Variants in GALNT8 observed in about 807,000 individuals in gnomAD.
GALNT8 encodes the protein probable polypeptide N-acetylgalactosaminyltransferase 8.
GALNT8 carries 66 observed loss-of-function variants against 62.7 expected under a neutral mutation model. That is an observed-to-expected ratio of 1.05 (90% confidence interval 0.86 to 1.29). GALNT8 has a LOEUF of 1.29. GALNT8 is among the 50% of genes most tolerant of loss of function. GALNT8 has a pLI of 0.00. For missense variants in GALNT8, 771 were observed against 791.8 expected (o/e 0.97, Z 0.32); for synonymous variants, 288 against 294.3 (o/e 0.98, Z 0.22).
chr12:4,724,896 C>T lies in GALNT8; in HGVS notation c.212-1636C>T, dbSNP rs75958892. Among the ~76,000 whole-genome samples the T allele has an allele frequency of 5.2e-3, 792 of 152,328 alleles. 20 individuals are homozygous for T. Among genetic ancestry groups the T allele is most frequent in the Admixed American group, 0.043 (662 of 15,304 alleles). On this transcript the variant is annotated intron_variant, in intron 1 of 10. Transcript: ENST00000252318. ...ATATGGATCTGAAATCCAGCACACA[C>T]GTTCTGCTTGCCAAGCCATGTGCTG... is the stretch of plus-strand genomic sequence containing the variant.
rs146594019 is a variant in GALNT8 at position 4,724,771 on chromosome 12, T to C, written c.212-1761T>C. 7.3e-3 allele frequency among the ~76,000 whole-genome samples: 1,110 copies of C among 152,346 alleles called. 20 individuals are homozygous for C. The highest frequency in any genetic ancestry group is 0.026 in the African/African-American group (1,073 of 41,574). On this transcript the variant is annotated intron_variant, in intron 1 of 10. Coordinates refer to ENST00000252318, the MANE Select transcript of GALNT8 (RefSeq NM_017417.2). ...TCTTAACCACTTGAAGAGGTGATTCTCTTTCTCCTTTTCCTTCTTTTTGGG... is the reference window on the plus strand; with the variant it reads ...TCTTAACCACTTGAAGAGGTGATTCCCTTTCTCCTTTTCCTTCTTTTTGGG...
intron 2 of GALNT8, among the ~76,000 whole-genome samples, chr12:4,737,118 G>A (rs1452230727): frequency 7.2e-5 from 11 of 152,154 alleles, no homozygotes; most frequent in African/African-American, 2.7e-4. Context: ...GGCTTTTAAG[G>A]AGCTTAGAAG....
intron 10 of GALNT8, 55 bp from the exon 11 acceptor site, chr12:4,772,390 A>C: frequency 6.6e-7 from 1 of 1,504,372 alleles, no homozygotes; most frequent in Non-Finnish European, 9.2e-7. Flanking sequence ...GCTAGAAGAG[A>C]TGATGAATTA....
intron 2 of GALNT8, among the ~76,000 whole-genome samples, chr12:4,733,972 G>A (rs1032029105): frequency 6.6e-6 from 1 of 152,168 alleles, no homozygotes; most frequent in Non-Finnish European, 1.5e-5. Context: ...ATTGCTCCTA[G>A]CTCAGTGAAT....
rs1055143489 is a variant in GALNT8 at position 4,749,820 on chromosome 12, A to G, written c.1173+3562A>G. Among the ~76,000 whole-genome samples the G allele has an allele frequency of 6.6e-6, 1 of 152,122 alleles. No individual in the cohort carries two copies. Among genetic ancestry groups the G allele is most frequent in the South Asian group, 2.1e-4 (1 of 4,822 alleles). On this transcript the variant is annotated intron_variant, in intron 6 of 10. Transcript: ENST00000252318. The surrounding 1 kb of genome is among the most constrained non-coding windows in gnomAD (Gnocchi z 4.1). The stretch of plus-strand genomic sequence containing the variant: ...GTTTTCCTTTACTGGGAGACTTTTT[A>G]TTACAGCTTTGATCTCATTACTTGT...
chr12:4,769,287 G>A (rs2137546937), intron 10 of GALNT8, among the ~76,000 whole-genome samples: 1 of 152,302 alleles, frequency 6.6e-6, no homozygotes, highest in Admixed American at 6.5e-5. Flanking sequence ...CACCACTGGT[G>A]AGCATGGAGA....
chr12:4,764,320 A>AC, intron 9 of GALNT8, among the ~76,000 whole-genome samples: 1 of 152,162 alleles, frequency 6.6e-6, no homozygotes, highest in South Asian at 2.1e-4. Context: ...ATTTGCATTG[A>AC]CAATCACCTC....
At chr12:4,728,733 A>G (rs1178555828) in intron 2 of GALNT8, among the ~76,000 whole-genome samples, 1 of 152,174 alleles carries the variant, frequency 6.6e-6, no homozygotes, top group Non-Finnish European at 1.5e-5. Context: ...TCCTTATGCC[A>G]GGAACACATT....
At chr12:4,730,188 T>C (rs1946215438) in intron 2 of GALNT8, among the ~76,000 whole-genome samples, 1 of 152,196 alleles carries the variant, frequency 6.6e-6, no homozygotes, top group African/African-American at 2.4e-5. Context: ...TTGATTTTTT[T>C]CCTTGCTGTG....
At chr12:4,746,387 C>G in intron 6 of GALNT8, 129 bp downstream of exon 6, 2 of 653,664 alleles carry the variant, frequency 3.1e-6, no homozygotes, top group Non-Finnish European at 5.6e-6. Context: ...TCTTATGTTT[C>G]TAGGCAACTG....
rs1198719523 is a variant in GALNT8, at chr12:4,760,939, T to A, written c.1174-19T>A. 16 of 1,609,968 alleles carry A rather than the reference T, an allele frequency of 9.9e-6. No individual in the cohort carries two copies. The highest frequency in any genetic ancestry group is 1.2e-5 in the Non-Finnish European group (14 of 1,177,290). ...CATTGGCTGTGAAGCACGGGTGATTTTTTGGTCTTCTTCTGCAGGTGTGGC... is the reference window on the plus strand; with the variant it reads ...CATTGGCTGTGAAGCACGGGTGATTATTTGGTCTTCTTCTGCAGGTGTGGC... On this transcript the variant is annotated intron_variant, in intron 6 of 10. Coordinates refer to ENST00000252318, the MANE Select transcript of GALNT8 (RefSeq NM_017417.2).
In GALNT8 at chr12:4,763,963, A is replaced by G; in HGVS notation, c.1509A>G (p.Leu503=). The G allele has an allele frequency of 2.6e-6, 4 of 1,564,676 alleles. No homozygotes were observed. Among genetic ancestry groups the G allele is most frequent in the South Asian group, 1.1e-5 (1 of 90,322 alleles). Residue 503 remains leucine (L), a synonymous_variant, in exon 9 of 11, where the codon CTA becomes CTG. Coordinates refer to ENST00000252318, the MANE Select transcript of GALNT8 (RefSeq NM_017417.2). The part of the protein sequence containing the change: ...TIVGYGRMKN[L]LDENVCLDQG... ...TTTGTCCCCTTCAGATGAAAAACCTATTGGATGAAAATGTCTGCTTGGATC... is the reference window on the plus strand; with the variant it reads ...TTTGTCCCCTTCAGATGAAAAACCTGTTGGATGAAAATGTCTGCTTGGATC...
intron 2 of GALNT8, among the ~76,000 whole-genome samples, chr12:4,731,130 C>T (rs1196655551): frequency 6.6e-6 from 1 of 151,950 alleles, no homozygotes; most frequent in Non-Finnish European, 1.5e-5. Flanking sequence ...GCCACCGCCC[C>T]CGGCCTGAGA....
chr12:4,721,000 A>C, intron 1 of GALNT8, 112 bp downstream of exon 1: 1 of 682,830 alleles, frequency 1.5e-6, no homozygotes, highest in Non-Finnish European at 2.7e-6. Flanking sequence ...TTTTCATCTC[A>C]GTCGCTCATT....
At chr12:4,756,756 G>A (rs995250280) in intron 6 of GALNT8, among the ~76,000 whole-genome samples, 5 of 152,162 alleles carry the variant, frequency 3.3e-5, no homozygotes, top group African/African-American at 1.2e-4. Flanking sequence ...ACCCACTCAG[G>A]ACTCCACATT....
chr12:4,736,625 C>G (rs1008986449), intron 2 of GALNT8, among the ~76,000 whole-genome samples: 40 of 151,282 alleles, frequency 2.6e-4, no homozygotes, highest in African/African-American at 9.2e-4. Flanking sequence ...AGATCATGAG[C>G]ATTAAAGGCT....
At chr12:4,727,995 A>T (rs1946204176) in intron 2 of GALNT8, among the ~76,000 whole-genome samples, 1 of 152,122 alleles carries the variant, frequency 6.6e-6, no homozygotes, top group Admixed American at 6.5e-5. Context: ...AGTATATGAG[A>T]GTTCTGATTT....
At chr12:4,737,372 G>A (rs1468343680) in intron 2 of GALNT8, among the ~76,000 whole-genome samples, 2 of 152,064 alleles carry the variant, frequency 1.3e-5, no homozygotes, top group African/African-American at 4.8e-5. Flanking sequence ...AACACTCCAG[G>A]AAGACCCAGT....
At chr12:4,758,702 G>A (rs1437958784) in intron 6 of GALNT8, among the ~76,000 whole-genome samples, 2 of 150,046 alleles carry the variant, frequency 1.3e-5, no homozygotes, top group African/African-American at 4.9e-5. Context: ...TGGCAAGTGG[G>A]AATAAATTTG....
Sources: gnomAD v4.1 joint callset for allele counts (sites outside exome capture counted in the v4.1 genomes callset) on GRCh38, gnomAD v4.1.1 for gene constraint, Gnocchi (gnomAD v3.1) non-coding constraint, MANE v1.5 for transcripts, NCBI Gene and HGNC (gene_info 2026-07-23, HGNC 2026-07-21) for gene names.